Variants in BNC2 observed in about 807,000 individuals in gnomAD.
BNC2 encodes the protein basonuclin zinc finger protein 2, also known as zinc finger protein basonuclin-2.
Under a neutral mutation model 76.3 loss-of-function variants are expected in BNC2, and 20 were observed. The observed-to-expected ratio is 0.26, with a 90% CI of 0.18 to 0.38. BNC2 has a LOEUF of 0.38. BNC2 is among the 10% of genes least tolerant of loss of function. The pLI is 1.00. For synonymous variants in BNC2, 582 were observed against 514.8 expected, an observed-to-expected ratio of 1.13 and a Z score of -1.77; for missense variants, 1,382 against 1,399.8, an observed-to-expected ratio of 0.99 and a Z score of 0.20.
At chr9:16,432,412 T>C (rs1359011894) in intron 6 of BNC2, among the ~76,000 whole-genome samples, 1 of 152,202 alleles carries the variant, frequency 6.6e-6, no homozygotes, top group Non-Finnish European at 1.5e-5. Context: ...TAAAAGACAC[T>C]ATTTAACATC....
chr9:16,551,261 C>A (rs1818654459), intron 5 of BNC2, among the ~76,000 whole-genome samples: 1 of 152,220 alleles, frequency 6.6e-6, no homozygotes, highest in South Asian at 2.1e-4. Context: ...ATTCTGAGAG[C>A]AGACAGGTTA....
chr9:16,768,542 T>C (rs1160584147), intron 1 of BNC2, among the ~76,000 whole-genome samples: 1 of 152,052 alleles, frequency 6.6e-6, no homozygotes, highest in Non-Finnish European at 1.5e-5. Context: ...CAAATGCACA[T>C]GTTAGTAGAA....
intron 5 of BNC2, among the ~76,000 whole-genome samples, chr9:16,474,966 G>T (rs933239422): frequency 1.2e-4 from 18 of 152,152 alleles, no homozygotes; most frequent in African/African-American, 4.1e-4. Context: ...AACACAGAAA[G>T]AACTACATAG....
At chr9:16,626,742 C>T (rs1821004968) in intron 3 of BNC2, among the ~76,000 whole-genome samples, 1 of 152,006 alleles carries the variant, frequency 6.6e-6, no homozygotes, top group Non-Finnish European at 1.5e-5. Context: ...CTTCCGTAAT[C>T]AGGCTCTCAA....
At chr9:16,733,961 T>C (rs1824587540) in intron 2 of BNC2, among the ~76,000 whole-genome samples, 1 of 152,124 alleles carries the variant, frequency 6.6e-6, no homozygotes, top group South Asian at 2.1e-4. Flanking sequence ...TTCCTTTCAT[T>C]ACATCCTTAT....
At chr9:16,768,245 C>T (rs1021136431) in intron 1 of BNC2, among the ~76,000 whole-genome samples, 1 of 152,046 alleles carries the variant, frequency 6.6e-6, no homozygotes, top group African/African-American at 2.4e-5. Flanking sequence ...GGATTACAGG[C>T]GTGAACCACC....
intron 4 of BNC2, among the ~76,000 whole-genome samples, chr9:16,571,018 A>C (rs943938273): frequency 6.6e-6 from 1 of 152,194 alleles, no homozygotes; most frequent in Admixed American, 6.5e-5. Flanking sequence ...ATCAGTACCA[A>C]CGGGCACAAT....
In BNC2 at chr9:16,809,538, G is replaced by A. The variant is rs372817433; in HGVS notation, c.3+61108C>T. On this transcript the variant is annotated intron_variant, in intron 1 of 6. Transcript: ENST00000380672. ...AGCTTTCAATAGGTCAAACGAGGGTGTACCTGCTGAATTCCCTTCCTAAAA... is the reference window on the plus strand; with the variant it reads ...AGCTTTCAATAGGTCAAACGAGGGTATACCTGCTGAATTCCCTTCCTAAAA... 3.6e-3 allele frequency among the ~76,000 whole-genome samples: 551 copies of A among 152,268 alleles called. 3 individuals carry two copies. Among genetic ancestry groups the A allele is most frequent in the African/African-American group, 0.012 (485 of 41,536 alleles).
At chr9:16,804,403 G>A (rs904317908) in intron 1 of BNC2, among the ~76,000 whole-genome samples, 2 of 152,188 alleles carry the variant, frequency 1.3e-5, no homozygotes, top group African/African-American at 4.8e-5. Context: ...CTAGAAAGCT[G>A]CAGTATCAAG....
chr9:16,667,107 ACG>A (rs1244315822), intron 3 of BNC2, among the ~76,000 whole-genome samples: 11 of 144,922 alleles, frequency 7.6e-5, no homozygotes, highest in African/African-American at 2.8e-4. Context: ...ACACACACAC[ACG>A]CACACACGCA....
At chr9:16,670,647 G>C (rs1213053695) in intron 3 of BNC2, among the ~76,000 whole-genome samples, 1 of 152,208 alleles carries the variant, frequency 6.6e-6, no homozygotes, top group African/African-American at 2.4e-5. Context: ...GGTCCTAATG[G>C]TGAATGACCA....
At chr9:16,824,914 C>T (rs144552928) in intron 1 of BNC2, among the ~76,000 whole-genome samples, 142 of 152,168 alleles carry the variant, frequency 9.3e-4, no homozygotes, top group Admixed American at 2.5e-3. Flanking sequence ...AAAGGACATA[C>T]GAAGATACGG....
intron 3 of BNC2, among the ~76,000 whole-genome samples, chr9:16,655,547 TA>T (rs1368574978): frequency 6.6e-6 from 1 of 152,022 alleles, no homozygotes; most frequent in African/African-American, 2.4e-5. Flanking sequence ...CATCCAGGAA[TA>T]AAAAAAGTCC....
At chr9:16,770,496 T>C (rs1825804849) in intron 1 of BNC2, among the ~76,000 whole-genome samples, 1 of 152,184 alleles carries the variant, frequency 6.6e-6, no homozygotes, top group Non-Finnish European at 1.5e-5. Flanking sequence ...GGAACCAAAA[T>C]GACCCATATG....
chr9:16,747,711 G>A (rs1825052452), intron 1 of BNC2, among the ~76,000 whole-genome samples: 1 of 152,156 alleles, frequency 6.6e-6, no homozygotes, highest in African/African-American at 2.4e-5. Context: ...TTCTGAAAAG[G>A]TGCTGCCTAT....
intron 5 of BNC2, among the ~76,000 whole-genome samples, chr9:16,452,508 C>T (rs570963652): frequency 9.9e-5 from 15 of 152,236 alleles, no homozygotes; most frequent in East Asian, 1.9e-4. Context: ...CTGCAACCTC[C>T]GCCTCCCAGG....
intron 4 of BNC2, among the ~76,000 whole-genome samples, chr9:16,567,430 T>G (rs1271771016): frequency 6.6e-6 from 1 of 152,144 alleles, no homozygotes; most frequent in Non-Finnish European, 1.5e-5. Flanking sequence ...GAGGGGTAGT[T>G]ATAAAAGAAC....
At chr9:16,782,857 G>A (rs1284936263) in intron 1 of BNC2, among the ~76,000 whole-genome samples, 2 of 152,078 alleles carry the variant, frequency 1.3e-5, no homozygotes, top group African/African-American at 4.8e-5. Flanking sequence ...ATTCATTTTT[G>A]GAAAAAGTGA....
chr9:16,742,003 G>A (rs948164197), intron 1 of BNC2, among the ~76,000 whole-genome samples: 2 of 149,218 alleles, frequency 1.3e-5, no homozygotes, highest in African/African-American at 4.9e-5. Context: ...ATACCTTGAT[G>A]GGCAATAGTA....
Sources: allele counts gnomAD v4.1 joint callset (sites outside exome capture counted in the v4.1 genomes callset), GRCh38; gene constraint gnomAD v4.1.1; transcripts MANE v1.5; gene names NCBI Gene and HGNC (gene_info 2026-07-23, HGNC 2026-07-21).